The following UBN2 variants were observed in gnomAD, a reference collection of about 807,000 sequenced individuals.
The protein encoded by UBN2 is ubinuclein 2.
Under a neutral mutation model 120.2 loss-of-function variants are expected in UBN2, and 35 were observed. That is an observed-to-expected ratio of 0.29 (90% confidence interval 0.22 to 0.39). The LOEUF (loss-of-function observed/expected upper bound fraction) is 0.39, where lower values mean the gene tolerates loss of function less well. Among genes scored for constraint, UBN2 ranks in the 10% least tolerant of loss-of-function variants. UBN2 has a pLI of 1.00. For synonymous variants in UBN2, 661 were observed against 648.7 expected, an observed-to-expected ratio of 1.02 and a Z score of -0.29; for missense variants, 1,693 against 1,663.2, an observed-to-expected ratio of 1.02 and a Z score of -0.31.
rs777675572 is a variant in UBN2, at chr7:139,284,554, G to A, written c.3649G>A (p.Val1217Met). 29 of 1,611,790 alleles carry A rather than the reference G, an allele frequency of 1.8e-5. No individual in the cohort carries two copies. The highest frequency in any genetic ancestry group is 2.3e-5 in the Non-Finnish European group (27 of 1,179,302). ...ACCATCCACTGCCTCAGGGTCTTCA[G>A]TGGTAACAGCCAGTGTGCAGGTATG... ...HRPSTASGSSVVTASVQSTAG... is the reference protein window; with the variant it reads ...HRPSTASGSSMVTASVQSTAG... Residue 1217 changes from valine to methionine, a missense_variant, in exon 15 of 18, where the codon GTG becomes ATG. Val to Met is a conservative substitution (Grantham distance 21). Transcript: ENST00000473989.
At chr7:139,297,298 A>G (rs183808392) in intron 17 of UBN2, among the ~76,000 whole-genome samples, 19 of 152,144 alleles carry the variant, frequency 1.2e-4, no homozygotes, top group Non-Finnish European at 1.6e-4. Context: ...GTTTTTCACT[A>G]CAGATGAAAA....
intron 2 of UBN2, among the ~76,000 whole-genome samples, chr7:139,250,562 A>C (rs1796596739): frequency 1.3e-5 from 2 of 152,016 alleles, no homozygotes. Context: ...AAAAAAAAGA[A>C]GAACTACTGT....
intron 15 of UBN2, 111 bp from the exon 16 acceptor site, chr7:139,293,121 C>G (rs1253752852): frequency 5.9e-6 from 5 of 850,430 alleles, no homozygotes; most frequent in Non-Finnish European, 9.3e-6. Context: ...CACAACGTTT[C>G]TGTCAGAGCA....
chr7:139,272,437 C>T lies in UBN2; in HGVS notation c.1712C>T (p.Ala571Val), dbSNP rs753723627. 13 of 1,609,806 alleles carry T rather than the reference C, an allele frequency of 8.1e-6. No individual in the cohort carries two copies. The highest frequency in any genetic ancestry group is 1.1e-5 in the Non-Finnish European group (13 of 1,177,862). Residue 571 changes from alanine to valine, a missense_variant, in exon 9 of 18, where the codon GCC becomes GTC. Around this residue, in one of 5 missense-constraint regions of UBN2, gnomAD observed 178 missense variants for 204.0 expected, o/e 0.87. Coordinates refer to ENST00000473989, the MANE Select transcript of UBN2 (RefSeq NM_173569.4). ...CAGGCTCGTAGTCAAGCTAAGTGTG[C>T]CAAGTATGTATCTCTTCTATTTGGA... is the stretch of plus-strand genomic sequence containing the variant. ...DCQARSQAKC[A>V]KLQTDEEREK...
chr7:139,261,113 TAGTATA>T (rs1197353099), intron 5 of UBN2, 133 bp from the exon 6 acceptor site: 20 of 980,124 alleles, frequency 2.0e-5, no homozygotes, highest in Non-Finnish European at 2.9e-5. Flanking sequence ...GCTATTGTAA[TAGTATA>T]AGTTAATAAG....
the UBN2 span, among the ~76,000 whole-genome samples, chr7:139,323,241 G>A: frequency 6.6e-6 from 1 of 152,122 alleles, no homozygotes; most frequent in Admixed American, 6.5e-5. Flanking sequence ...ATCACTTGAG[G>A]TCAGGAGTTC....
chr7:139,231,287 C>A lies in UBN2; in HGVS notation c.-198C>A, dbSNP rs992360050. 6.6e-6 allele frequency among the ~76,000 whole-genome samples: 1 copy of A among 152,216 alleles called. No individual in the cohort carries two copies. Among genetic ancestry groups the A allele is most frequent in the Admixed American group, 6.5e-5 (1 of 15,288 alleles). ...AACATGGCGGCCGCGGCGACCCTGG[C>A]GATGGCGGTGAAGCCCATCAGAACG... On this transcript the variant is annotated 5_prime_UTR_variant, in exon 1 of 18. Coordinates refer to ENST00000473989, the MANE Select transcript of UBN2 (RefSeq NM_173569.4).
chr7:139,252,855 G>C (rs1796657741), intron 3 of UBN2, among the ~76,000 whole-genome samples: 1 of 152,060 alleles, frequency 6.6e-6, no homozygotes, highest in African/African-American at 2.4e-5. Context: ...CTCAATCAAG[G>C]GTGAGAATAT....
Position 139,293,243 on chromosome 7 carries a change from A to G in UBN2, c.3681A>G (p.Gly1227=), listed in dbSNP as rs768172469. The change falls in exon 16 of 18, where the codon GGA becomes GGG. Residue 1227 remains glycine, a synonymous_variant. Transcript: ENST00000473989. ...TGGTTTCTGCACAGTCCACAGCAGGAGCATCATTATTGGCTAATGCCTCAC... is the reference window on the plus strand; with the variant it reads ...TGGTTTCTGCACAGTCCACAGCAGGGGCATCATTATTGGCTAATGCCTCAC... ...VVTASVQSTA[G]ASLLANASPL... The G allele has an allele frequency of 6.2e-7, 1 of 1,614,146 alleles. No individual in the cohort carries two copies. Among genetic ancestry groups the G allele is most frequent in the East Asian group, 2.2e-5 (1 of 44,892 alleles).
intron 15 of UBN2, among the ~76,000 whole-genome samples, chr7:139,288,699 G>T (rs1397061627): frequency 6.6e-6 from 1 of 151,820 alleles, no homozygotes; most frequent in Non-Finnish European, 1.5e-5. Context: ...TAGAGTATGT[G>T]GTTTAAAAAA....
In UBN2 at chr7:139,231,747, G is replaced by C; in HGVS notation, c.263G>C (p.Arg88Pro). ...GCCGAGCCGCCCATGTCGCTGCAGCGGGAGCCCCCGCGGCCCGAGCCGCCG... is the reference window on the plus strand; with the variant it reads ...GCCGAGCCGCCCATGTCGCTGCAGCCGGAGCCCCCGCGGCCCGAGCCGCCG... ...SRAEPPMSLQ[R>P]EPPRPEPPPP... Residue 88 changes from arginine to proline, a missense_variant, in exon 1 of 18, where the codon CGG (arginine) becomes CCG (proline). Transcript: ENST00000473989. The C allele has an allele frequency of 8.2e-7, 1 of 1,212,886 alleles. No homozygotes were observed. Among genetic ancestry groups the C allele is most frequent in the Non-Finnish European group, 1.0e-6 (1 of 980,332 alleles). The allele number at this position is 1,212,886 out of a possible 1,614,324, so 75.1% of individuals were successfully genotyped here. A position where few individuals can be genotyped will look rare whatever the true frequency, so the allele number is the denominator to read the frequency against.
intron 8 of UBN2, among the ~76,000 whole-genome samples, 162 bp from the exon 9 acceptor site, chr7:139,272,160 T>C (rs1250716346): frequency 1.3e-5 from 2 of 152,218 alleles, no homozygotes; most frequent in Non-Finnish European, 2.9e-5. Flanking sequence ...CCAGTGTGTC[T>C]TAGGAAAAGT....
chr7:139,282,997 T>G, intron 14 of UBN2, 27 bp from the exon 15 acceptor site: 1 of 1,461,500 alleles, frequency 6.8e-7, no homozygotes, highest in Middle Eastern at 1.8e-4. Flanking sequence ...CCATTTCTAT[T>G]TTTTTCCATA....
At chr7:139,294,110 T>G (rs1798042007) in intron 17 of UBN2, 129 bp downstream of exon 17, 2 of 798,936 alleles carry the variant, frequency 2.5e-6, no homozygotes, top group African/African-American at 1.7e-5. Flanking sequence ...GACTGAATCC[T>G]CATTCCTCAT....
the UBN2 span, among the ~76,000 whole-genome samples, chr7:139,327,576 C>T: frequency 1.3e-5 from 2 of 152,136 alleles, no homozygotes; most frequent in African/African-American, 2.4e-5. Context: ...CTAGTGACCA[C>T]GAGCACTCTG....
Position 139,289,414 on chromosome 7 carries a change from C to CTTTTTT in UBN2, c.3670-3807_3670-3802dup, listed in dbSNP as rs1161484759. On this transcript the variant is annotated intron_variant, in intron 15 of 17. Coordinates refer to ENST00000473989, the MANE Select transcript of UBN2 (RefSeq NM_173569.4). ...ATTGCCCTCCCTAATTTACATTTTG[C>CTTTTTT]TTTTTTTTTTTTTTTTGAGACAGGG... is the stretch of plus-strand genomic sequence containing the variant. Among the ~76,000 whole-genome samples the CTTTTTT allele has an allele frequency of 1.7e-4, 22 of 125,792 alleles. 3 individuals are homozygous for CTTTTTT. Among genetic ancestry groups the CTTTTTT allele is most frequent in the African/African-American group, 6.8e-4 (22 of 32,174 alleles). The allele number at this position is 125,792 out of a possible 152,430, so 82.5% of individuals were successfully genotyped here. A position where few individuals can be genotyped will look rare whatever the true frequency, so the allele number is the denominator to read the frequency against.
intron 15 of UBN2, among the ~76,000 whole-genome samples, chr7:139,289,413 G>GTTTTTTTTTTTTTTTTTTTT (rs1797880317): frequency 7.7e-6 from 1 of 130,224 alleles, no homozygotes; most frequent in African/African-American, 3.2e-5. Context: ...TTTACATTTT[G>GTTTTTTTTTTTTTTTTTTTT]CTTTTTTTTT....
chr7:139,263,793 C>T (rs1015248318), intron 6 of UBN2, among the ~76,000 whole-genome samples: 5 of 150,500 alleles, frequency 3.3e-5, no homozygotes, highest in East Asian at 1.9e-4. Context: ...AATAGGAATA[C>T]GTGCTAATAC....
At chr7:139,297,735 C>T in intron 17 of UBN2, 52 bp from the exon 18 acceptor site, 1 of 1,554,104 alleles carries the variant, frequency 6.4e-7, no homozygotes, top group Non-Finnish European at 8.8e-7. Flanking sequence ...TTTTTGTTAG[C>T]TGGTTTTTGT....
Sources: allele counts gnomAD v4.1 joint callset (sites outside exome capture counted in the v4.1 genomes callset), GRCh38; gene constraint gnomAD v4.1.1; regional missense constraint gnomAD v4.1.1; transcripts MANE v1.5; gene names NCBI Gene and HGNC (gene_info 2026-07-23, HGNC 2026-07-21).